CFAP91: variants seen among roughly 807,000 people sequenced by gnomAD.
CFAP91 encodes the protein cilia- and flagella-associated protein 91.
A neutral mutation model predicts 95.9 loss-of-function variants in CFAP91; 85 were observed. The observed-to-expected ratio is 0.89, with a 90% CI of 0.74 to 1.06. The LOEUF is 1.06. Among genes scored for constraint, CFAP91 ranks in the 50% least tolerant of loss-of-function variants. The pLI is 0.00. For missense variants in CFAP91, 962 were observed against 943.4 expected (o/e 1.02, Z -0.26); for synonymous variants, 335 against 327.5 (o/e 1.02, Z -0.25).
chr3:119,707,247 T>G (rs2053382962), intron 2 of CFAP91, 157 bp from the exon 3 acceptor site: 2 of 564,910 alleles, frequency 3.5e-6, no homozygotes, highest in Non-Finnish European at 6.0e-6. Context: ...TTCTTGGGCA[T>G]GTATTTAAAG....
intron 13 of CFAP91, among the ~76,000 whole-genome samples, chr3:119,742,136 C>A (rs920741742): frequency 1.2e-4 from 19 of 152,284 alleles, no homozygotes; most frequent in African/African-American, 4.6e-4. Context: ...CTTTTCAGCT[C>A]ATTTATTCCA....
At chr3:119,743,607 ATTATC>A (rs1229239216) in intron 13 of CFAP91, among the ~76,000 whole-genome samples, 1 of 152,218 alleles carries the variant, frequency 6.6e-6, no homozygotes, top group Non-Finnish European at 1.5e-5. Flanking sequence ...AAACTCCAAT[ATTATC>A]TTTAATAAAA....
At chr3:119,739,586 A>G (rs2054078574) in intron 12 of CFAP91, among the ~76,000 whole-genome samples, 1 of 144,064 alleles carries the variant, frequency 6.9e-6, no homozygotes, top group Non-Finnish European at 1.5e-5. Context: ...CTAAGGCAGT[A>G]TGAAACTCAC....
chr3:119,762,954 T>G (rs998647572), intron 17 of CFAP91, among the ~76,000 whole-genome samples: 1 of 151,636 alleles, frequency 6.6e-6, no homozygotes, highest in Non-Finnish European at 1.5e-5. Context: ...GCAACAAAAG[T>G]GAAAATAGAC....
intron 2 of CFAP91, 160 bp from the exon 3 acceptor site, chr3:119,707,244 G>C: frequency 1.8e-6 from 1 of 553,128 alleles, no homozygotes; most frequent in Non-Finnish European, 3.1e-6. Flanking sequence ...AGTTTCTTGG[G>C]CATGTATTTA....
At chr3:119,729,400 A>C (rs900953796) in intron 7 of CFAP91, among the ~76,000 whole-genome samples, 2 of 148,638 alleles carry the variant, frequency 1.3e-5, no homozygotes, top group Admixed American at 6.7e-5. Flanking sequence ...TAATCCCAGC[A>C]CTTTGGGAAG....
intron 1 of CFAP91, among the ~76,000 whole-genome samples, chr3:119,704,329 G>A (rs2053319271): frequency 2.6e-5 from 4 of 152,196 alleles, no homozygotes; most frequent in Admixed American, 2.0e-4. Flanking sequence ...TTCACTCAGA[G>A]TAGATCAAAT....
chr3:119,749,215 A>T (rs1464378284), intron 16 of CFAP91: 3 of 152,096 alleles, frequency 2.0e-5, no homozygotes, highest in Non-Finnish European at 4.4e-5. Context: ...GAGGAGGAAA[A>T]CTGGGTTTAA....
Position 119,747,898 on chromosome 3 carries a change from A to G in CFAP91, c.2139A>G (p.Glu713=). 1.9e-6 allele frequency: 3 copies of G among 1,610,706 alleles called. No homozygotes were observed. The highest frequency in any genetic ancestry group is 2.5e-6 in the Non-Finnish European group (3 of 1,177,544). ...AGGTGCAAAAATACTTTGTCAAAGA[A>G]AAAGGTAAGCCAATGTAAATGCTTT... ...IPEVQKYFVK[E]KVRNAQRKHI... Residue 713 remains glutamate, a synonymous_variant, in exon 16 of 18, where the codon GAA becomes GAG. Transcript: ENST00000273390.
chr3:119,711,319 T>C (rs2053468931), intron 5 of CFAP91, among the ~76,000 whole-genome samples: 2 of 152,242 alleles, frequency 1.3e-5, no homozygotes, highest in South Asian at 2.1e-4. Context: ...TGTAGACTTA[T>C]ATTCTATGAA....
In CFAP91 at chr3:119,709,852, T is replaced by C; in HGVS notation, c.457T>C (p.Phe153Leu). 2 of 1,612,384 alleles carry C rather than the reference T, an allele frequency of 1.2e-6. No homozygotes were observed. Among genetic ancestry groups the C allele is most frequent in the Non-Finnish European group, 8.5e-7 (1 of 1,178,502 alleles). ...TTTTCCTCCCAGGCCTTTTCTCCCA[T>C]TTTTTCAGCAGATGCCATTCAATGT... Reference protein sequence around the residue: ...YKYFERPFLPFFQQMPFNVVY... With the variant: ...YKYFERPFLPLFQQMPFNVVY... The change falls in exon 5 of 18, where the codon TTT (phenylalanine) becomes CTT (leucine). Residue 153 changes from phenylalanine to leucine, a missense_variant. Physicochemically the swap from Phe to Leu is conservative, Grantham distance 22. Transcript: ENST00000273390.
At chr3:119,748,841 T>G (rs1366352742) in intron 16 of CFAP91, among the ~76,000 whole-genome samples, 1 of 152,206 alleles carries the variant, frequency 6.6e-6, no homozygotes, top group Non-Finnish European at 1.5e-5. Context: ...ATCCTGACCA[T>G]GCTTCTGAGA....
At chr3:119,758,807 G>A (rs1227657954) in intron 17 of CFAP91, among the ~76,000 whole-genome samples, 1 of 152,060 alleles carries the variant, frequency 6.6e-6, no homozygotes, top group African/African-American at 2.4e-5. Context: ...AAGATGAAAT[G>A]AGAAAGAGGA....
chr3:119,752,385 T>C (rs1478697495), intron 17 of CFAP91: 1 of 152,168 alleles, frequency 6.6e-6, no homozygotes, highest in Non-Finnish European at 1.5e-5. Context: ...AGGTAAGAAA[T>C]ATTGCAGAGA....
At chr3:119,740,913 G>C in intron 13 of CFAP91, 1 of 537,910 alleles carries the variant, frequency 1.9e-6, no homozygotes, top group Non-Finnish European at 3.2e-6. Context: ...GAAGTGCAGT[G>C]ATGCAGTCGT....
intron 4 of CFAP91, 114 bp from the exon 5 acceptor site, chr3:119,709,725 T>C: frequency 5.1e-6 from 4 of 780,152 alleles, no homozygotes; most frequent in Non-Finnish European, 6.7e-6. Context: ...AACACTGATA[T>C]ATGGGATATT....
intron 6 of CFAP91, among the ~76,000 whole-genome samples, chr3:119,717,454 T>C (rs1056378496): frequency 6.6e-6 from 1 of 152,152 alleles, no homozygotes; most frequent in South Asian, 2.1e-4. Context: ...TCCTACCATT[T>C]GTGGGACCCA....
chr3:119,743,618 T>C (rs772027035), intron 13 of CFAP91, among the ~76,000 whole-genome samples: 13 of 152,224 alleles, frequency 8.5e-5, no homozygotes, highest in Non-Finnish European at 1.8e-4. Flanking sequence ...TTATCTTTAA[T>C]AAAAAACTTG....
In CFAP91 at chr3:119,725,436, A is replaced by AT. The variant is rs1380453818; in HGVS notation, c.683-733dup. On this transcript the variant is annotated intron_variant, in intron 6 of 17. Transcript: ENST00000273390. ...AAAGATGGTGAATTCTCAGCTAGTGATTAGTGTCTTCATTTTCTGTTATTT... is the reference window on the plus strand; with the variant it reads ...AAAGATGGTGAATTCTCAGCTAGTGATTTAGTGTCTTCATTTTCTGTTATTT... Among the ~76,000 whole-genome samples the AT allele has an allele frequency of 3.3e-5, 5 of 152,350 alleles. No homozygotes were observed. The East Asian group carries it at 9.6e-4, about 29-fold the overall frequency.
Sources: gnomAD v4.1 joint callset for allele counts (sites outside exome capture counted in the v4.1 genomes callset) on GRCh38, gnomAD v4.1.1 for gene constraint, MANE v1.5 for transcripts, NCBI Gene and HGNC (gene_info 2026-07-23, HGNC 2026-07-21) for gene names.